Variants in RASSF4 observed in about 807,000 individuals in gnomAD.
RASSF4 encodes Ras association domain family member 4, also known as ras association domain-containing protein 4.
In RASSF4, 38 loss-of-function variants were observed where a neutral mutation model predicts 41.1. The observed-to-expected ratio is 0.92, with a 90% CI of 0.71 to 1.21. The LOEUF is 1.21. RASSF4 is among the 50% of genes most tolerant of loss of function. The pLI is 0.00. For missense variants in RASSF4, 414 were observed against 419.4 expected (o/e 0.99, Z 0.11); for synonymous variants, 179 against 163.4 (o/e 1.10, Z -0.73).
intron 1 of RASSF4, among the ~76,000 whole-genome samples, chr10:44,961,378 A>G (rs1588776908): frequency 6.6e-6 from 1 of 152,226 alleles, no homozygotes; most frequent in Admixed American, 6.5e-5. Context: ...AAGAACATGA[A>G]CGAAACTTGG....
At chr10:44,979,500 G>C (rs2132787455) in intron 3 of RASSF4, among the ~76,000 whole-genome samples, 1 of 152,310 alleles carries the variant, frequency 6.6e-6, no homozygotes, top group South Asian at 2.1e-4. Flanking sequence ...TCAGGCAACA[G>C]CAAGAACTGC....
chr10:44,963,821 G>A (rs750238664), intron 1 of RASSF4, among the ~76,000 whole-genome samples: 3 of 152,366 alleles, frequency 2.0e-5, no homozygotes, highest in East Asian at 1.9e-4. Context: ...ATGCCTGTAC[G>A]TTTTCCCTTT....
chr10:44,992,034 C>T (rs1215549193), intron 10 of RASSF4, 32 bp downstream of exon 10: 2 of 1,424,266 alleles, frequency 1.4e-6, no homozygotes, highest in African/African-American at 2.8e-5. Flanking sequence ...AGTCATGGGT[C>T]CTGAACATCA....
chr10:44,967,943 A>T (rs571466370), intron 1 of RASSF4, among the ~76,000 whole-genome samples: 3 of 152,262 alleles, frequency 2.0e-5, no homozygotes, highest in Middle Eastern at 3.4e-3. Context: ...AGAAGACAGG[A>T]GTAGTTCTGG....
intron 2 of RASSF4, 25 bp downstream of exon 2, chr10:44,970,289 C>CG: frequency 6.2e-7 from 1 of 1,603,620 alleles, no homozygotes. Flanking sequence ...GCAGGTTGGG[C>CG]GGGGGAGTCT....
chr10:44,983,739 C>T (rs1374838015), intron 4 of RASSF4: 2 of 440,484 alleles, frequency 4.5e-6, no homozygotes, highest in Non-Finnish European at 8.2e-6. Context: ...TGCGCAGGCC[C>T]TGACTATGTT....
rs1842240190 is a variant in RASSF4, at chr10:44,994,858, CA to C, written c.*1530del. On this transcript the variant is annotated 3_prime_UTR_variant, in exon 11 of 11. Coordinates refer to ENST00000340258, the MANE Select transcript of RASSF4 (RefSeq NM_032023.4). ...CACAACTCGCTGCTCTAGGAGCCGA[CA>C]TGACTCCTTCATTTCTGTGCATGCC... 2.6e-5 allele frequency: 4 copies of C among 152,020 alleles called. No individual in the cohort carries two copies. The highest frequency in any genetic ancestry group is 9.7e-5 in the African/African-American group (4 of 41,360). The allele number at this position is 152,020 out of a possible 1,614,324, so 9.4% of individuals were successfully genotyped here.
rs1197402869 is a variant in RASSF4, at chr10:44,995,287, G to A, written c.*1958G>A. The stretch of plus-strand genomic sequence containing the variant: ...ATCAGGAGAAGAAGGCCAGACACTG[G>A]AAGGGTCAAGAGATCAGCTGAGCAA... On this transcript the variant is annotated 3_prime_UTR_variant, in exon 11 of 11. Transcript: ENST00000340258. 1 of 152,274 alleles carries A rather than the reference G, an allele frequency of 6.6e-6. No individual in the cohort carries two copies. The highest frequency in any genetic ancestry group is 1.5e-5 in the Non-Finnish European group (1 of 68,084). 9.4% of individuals were successfully genotyped at this position (152,274 alleles called of 1,614,324 possible).
chr10:44,966,785 G>A (rs1298674274), intron 1 of RASSF4, among the ~76,000 whole-genome samples: 2 of 152,078 alleles, frequency 1.3e-5, no homozygotes, highest in African/African-American at 2.4e-5. Flanking sequence ...GGTTTCAGTT[G>A]GTCTTAGCCA....
chr10:44,966,260 G>A (rs1429991362), intron 1 of RASSF4, among the ~76,000 whole-genome samples: 1 of 152,064 alleles, frequency 6.6e-6, no homozygotes, highest in African/African-American at 2.4e-5. Context: ...CTGACTTATG[G>A]GAAATTCCAC....
Position 44,971,809 on chromosome 10 carries a change from C to T in RASSF4, c.99C>T (p.Cys33=), listed in dbSNP as rs746749406. The change falls in exon 3 of 11, where the codon TGC becomes TGT. Residue 33 remains cysteine, a synonymous_variant. Coordinates refer to ENST00000340258, the MANE Select transcript of RASSF4 (RefSeq NM_032023.4). ...ELLGLLKTYN[C]YHEGKSFQLR... ...TAGGCCTGCTGAAAACCTACAACTGCTACCATGAGGGCAAGAGCTTCCAGC... is the reference window on the plus strand; with the variant it reads ...TAGGCCTGCTGAAAACCTACAACTGTTACCATGAGGGCAAGAGCTTCCAGC... The T allele has an allele frequency of 6.2e-7, 1 of 1,613,722 alleles. No individual in the cohort carries two copies. Among genetic ancestry groups the T allele is most frequent in the Non-Finnish European group, 8.5e-7 (1 of 1,179,692 alleles).
chr10:44,989,191 C>A, intron 6 of RASSF4, 83 bp from the exon 7 acceptor site: 1 of 807,320 alleles, frequency 1.2e-6, no homozygotes, highest in Non-Finnish European at 2.1e-6. Context: ...GCGTCACCTG[C>A]TGCCTTGGTC....
chr10:44,973,476 C>T (rs1267815477), intron 3 of RASSF4, among the ~76,000 whole-genome samples: 1 of 152,194 alleles, frequency 6.6e-6, no homozygotes. Context: ...TCTGGCTGTT[C>T]AGGGATTGAT....
chr10:44,963,400 A>C (rs1343478504), intron 1 of RASSF4, among the ~76,000 whole-genome samples: 2 of 152,190 alleles, frequency 1.3e-5, no homozygotes, highest in Non-Finnish European at 2.9e-5. Context: ...AGACGCTGCA[A>C]CTTCTTCACT....
intron 10 of RASSF4, among the ~76,000 whole-genome samples, chr10:44,992,417 T>C (rs1842149226): frequency 6.6e-6 from 1 of 152,264 alleles, no homozygotes; most frequent in Non-Finnish European, 1.5e-5. Context: ...GTGGGAATTC[T>C]GAGCCTTCCC....
In RASSF4 at chr10:44,971,824, G is replaced by A; in HGVS notation, c.114G>A (p.Lys38=). 6.2e-7 allele frequency: 1 copy of A among 1,612,542 alleles called. No homozygotes were observed. The highest frequency in any genetic ancestry group is 1.1e-5 in the South Asian group (1 of 91,052). The change falls in exon 3 of 11, where the codon AAG becomes AAA. Residue 38 remains lysine (K), a synonymous_variant. Transcript: ENST00000340258. ...LKTYNCYHEG[K]SFQLRHREEE... ...CCTACAACTGCTACCATGAGGGCAA[G>A]AGCTTCCAGCTGAGACACCGTGAGG...
chr10:44,964,941 GA>G (rs1379867700), intron 1 of RASSF4, among the ~76,000 whole-genome samples: 2 of 152,240 alleles, frequency 1.3e-5, no homozygotes, highest in Non-Finnish European at 2.9e-5. Flanking sequence ...ATCTGCAGTG[GA>G]ATTCTGTGAG....
intron 1 of RASSF4, among the ~76,000 whole-genome samples, chr10:44,967,328 C>G (rs567561483): frequency 1.1e-4 from 17 of 152,332 alleles, no homozygotes; most frequent in Middle Eastern, 3.4e-3. Flanking sequence ...CACTTTTGTT[C>G]GCAGCTCAGT....
intron 4 of RASSF4, chr10:44,982,967 A>G (rs1324497147): frequency 3.1e-6 from 2 of 647,522 alleles, no homozygotes; most frequent in African/African-American, 3.6e-5. Flanking sequence ...CACCTATGCA[A>G]GCCGAACATG....
Sources: gnomAD v4.1 joint callset for allele counts (sites outside exome capture counted in the v4.1 genomes callset) on GRCh38, gnomAD v4.1.1 for gene constraint, MANE v1.5 for transcripts, NCBI Gene and HGNC (gene_info 2026-07-23, HGNC 2026-07-21) for gene names.